PTPRM: variants seen among roughly 807,000 people sequenced by gnomAD.
The protein encoded by PTPRM is receptor-type tyrosine-protein phosphatase mu.
PTPRM carries 47 observed loss-of-function variants against 186.7 expected under a neutral mutation model. The observed-to-expected ratio is 0.25, with a 90% confidence interval of 0.20 to 0.32. PTPRM has a LOEUF of 0.32. Among genes scored for constraint, PTPRM ranks in the 10% least tolerant of loss-of-function variants. The pLI, the probability that PTPRM is intolerant of heterozygous loss-of-function variation, is 1.00. For synonymous variants in PTPRM, 668 were observed against 674.9 expected, an observed-to-expected ratio of 0.99 and a Z score of 0.16; for missense variants, 1,494 against 1,865.0, an observed-to-expected ratio of 0.80 and a Z score of 3.66.
At chr18:7,979,940 C>T (rs1303787554) in intron 7 of PTPRM, among the ~76,000 whole-genome samples, 2 of 152,206 alleles carry the variant, frequency 1.3e-5, no homozygotes, top group Non-Finnish European at 2.9e-5. Context: ...GCCCACATCT[C>T]CAGGGCTGTG....
Position 7,798,610 on chromosome 18 carries a change from A to G in PTPRM, c.196+24339A>G, listed in dbSNP as rs549621988. On this transcript the variant is annotated intron_variant, in intron 2 of 32. Transcript: ENST00000580170. ...CAAAACTTCTTAAAAAATTACCTCA[A>G]CACCTCTCAATCTCTTTCAGTTCAG... 1.3e-3 allele frequency among the ~76,000 whole-genome samples: 193 copies of G among 152,162 alleles called. 1 individual carries two copies. The highest frequency in any genetic ancestry group is 2.0e-3 in the Non-Finnish European group (135 of 67,996).
chr18:8,086,094 G>A (rs1465419397), intron 10 of PTPRM, among the ~76,000 whole-genome samples: 1 of 152,140 alleles, frequency 6.6e-6, no homozygotes, highest in East Asian at 1.9e-4. Context: ...TATTGTTTTA[G>A]CAGGGCGTCT....
At chr18:8,015,807 C>T (rs1341747486) in intron 7 of PTPRM, among the ~76,000 whole-genome samples, 1 of 152,158 alleles carries the variant, frequency 6.6e-6, no homozygotes, top group Non-Finnish European at 1.5e-5. Context: ...GAAAAATGCA[C>T]TCCCCATCCC....
chr18:8,352,652 G>GTTTTTTT (rs142090056), intron 23 of PTPRM, among the ~76,000 whole-genome samples: 5 of 102,222 alleles, frequency 4.9e-5, no homozygotes, highest in Non-Finnish European at 8.7e-5. Flanking sequence ...TTTTTGGTTT[G>GTTTTTTT]GTTTTTTTTG....
At chr18:7,801,873 C>G (rs1031555041) in intron 2 of PTPRM, among the ~76,000 whole-genome samples, 1 of 152,132 alleles carries the variant, frequency 6.6e-6, no homozygotes, top group African/African-American at 2.4e-5. Flanking sequence ...TTGTGCTGTC[C>G]AGTATGGTAG....
At chr18:7,836,925 C>T (rs957873030) in intron 2 of PTPRM, among the ~76,000 whole-genome samples, 3 of 152,082 alleles carry the variant, frequency 2.0e-5, no homozygotes, top group African/African-American at 4.8e-5. Context: ...ATCCTTTATC[C>T]TCGACCTTTG....
At position 7,668,860 on chromosome 18, in the gene PTPRM, T is replaced by C. The variant is rs957499977; in HGVS notation, c.73+100969T>C. ...ACCACCTTCTAGAATACTATATAAT[T>C]TGTCTTTTAATTATCTTTGTTGTTT... is the stretch of plus-strand genomic sequence containing the variant. On this transcript the variant is annotated intron_variant, in intron 1 of 32. Transcript: ENST00000580170. The surrounding 1 kb of genome is among the most constrained non-coding windows in gnomAD (Gnocchi z 4.7). Among the ~76,000 whole-genome samples the C allele has an allele frequency of 4.6e-5, 7 of 152,048 alleles. No individual in the cohort carries two copies. The highest frequency in any genetic ancestry group is 8.8e-5 in the Non-Finnish European group (6 of 68,008).
intron 1 of PTPRM, among the ~76,000 whole-genome samples, chr18:7,629,651 AG>A (rs2038145143): frequency 6.6e-6 from 1 of 152,202 alleles, no homozygotes; most frequent in African/African-American, 2.4e-5. Flanking sequence ...GTAGACATAT[AG>A]GTGTGAGCCA....
At chr18:7,729,252 C>T (rs2040608811) in intron 1 of PTPRM, among the ~76,000 whole-genome samples, 1 of 152,102 alleles carries the variant, frequency 6.6e-6, no homozygotes, top group Admixed American at 6.5e-5. Context: ...AATGGCTTGG[C>T]CTTTGTTGTA....
chr18:7,784,690 C>T (rs1000582630), intron 2 of PTPRM, among the ~76,000 whole-genome samples: 2 of 152,326 alleles, frequency 1.3e-5, no homozygotes, highest in African/African-American at 2.4e-5. Flanking sequence ...CTCTTTTCTC[C>T]TGAATAAAAC....
intron 1 of PTPRM, among the ~76,000 whole-genome samples, chr18:7,712,819 A>G (rs1253630971): frequency 3.3e-5 from 5 of 151,868 alleles, no homozygotes; most frequent in Non-Finnish European, 7.4e-5. Context: ...AAGATTAGAG[A>G]AAAAAGAATG....
intron 13 of PTPRM, among the ~76,000 whole-genome samples, chr18:8,117,993 CCATGGTGGTCT>C (rs765761314): frequency 9.9e-5 from 15 of 152,148 alleles, no homozygotes; most frequent in Middle Eastern, 3.4e-3. Context: ...TTTATATTCA[CCATGGTGGTCT>C]CATGGTAACT....
At position 8,063,320 on chromosome 18, in the gene PTPRM, G is replaced by A. The variant is rs552623829; in HGVS notation, c.1133-6366G>A. On this transcript the variant is annotated intron_variant, in intron 7 of 32. Transcript: ENST00000580170. Reference sequence around the variant, plus strand: ...AATGCCTCGCCCTGCTTCGGCTTGCGCACACCCACTGGCCTGCGCCCACTG... The same window carrying A: ...AATGCCTCGCCCTGCTTCGGCTTGCACACACCCACTGGCCTGCGCCCACTG... Among the ~76,000 whole-genome samples, 8 of 150,600 alleles carry A rather than the reference G, an allele frequency of 5.3e-5. 1 individual carries two copies. Among genetic ancestry groups the A allele is most frequent in the Non-Finnish European group, 8.8e-5 (6 of 67,976 alleles).
chr18:7,956,822 T>C (rs745495032), intron 7 of PTPRM, among the ~76,000 whole-genome samples: 1 of 152,244 alleles, frequency 6.6e-6, no homozygotes, highest in Non-Finnish European at 1.5e-5. Flanking sequence ...AAACAATAGC[T>C]ATGGATAATA....
At position 8,104,145 on chromosome 18, in the gene PTPRM, T is replaced by C. The variant is rs554867159; in HGVS notation, c.1857-9341T>C. Among the ~76,000 whole-genome samples the C allele has an allele frequency of 3.3e-5, 5 of 152,300 alleles. No homozygotes were observed. In the East Asian group the frequency reaches 9.7e-4, roughly 29 times the overall value. On this transcript the variant is annotated intron_variant, in intron 11 of 32. Coordinates refer to ENST00000580170, the MANE Select transcript of PTPRM (RefSeq NM_001105244.2). ...ACCAAAATGGCACAGAGACATGAAG[T>C]AAGTGCATGCTGTAAGATAAATGGC...
At chr18:8,328,899 A>T (rs1014906876) in intron 22 of PTPRM, among the ~76,000 whole-genome samples, 12 of 152,374 alleles carry the variant, frequency 7.9e-5, no homozygotes, top group Non-Finnish European at 1.8e-4. Flanking sequence ...GACATTTCTC[A>T]TCCCTGTGCT....
At chr18:8,287,075 T>C (rs1319764845) in intron 19 of PTPRM, among the ~76,000 whole-genome samples, 2 of 149,568 alleles carry the variant, frequency 1.3e-5, no homozygotes, top group Non-Finnish European at 3.0e-5. Context: ...CTCCAAGAAA[T>C]ACCAGGAAGG....
At chr18:8,040,969 C>T (rs1038875945) in intron 7 of PTPRM, among the ~76,000 whole-genome samples, 1 of 152,164 alleles carries the variant, frequency 6.6e-6, no homozygotes, top group Admixed American at 6.6e-5. Context: ...GCAGTCTTGT[C>T]ACTTGGGTTC....
At chr18:8,236,732 G>T (rs2094349848) in intron 14 of PTPRM, among the ~76,000 whole-genome samples, 1 of 152,000 alleles carries the variant, frequency 6.6e-6, no homozygotes, top group Non-Finnish European at 1.5e-5. Flanking sequence ...GGTAGAGACA[G>T]GGTTTCACCA....
Sources: allele counts gnomAD v4.1 joint callset (sites outside exome capture counted in the v4.1 genomes callset), GRCh38; gene constraint gnomAD v4.1.1; non-coding constraint Gnocchi (gnomAD v3.1); transcripts MANE v1.5; gene names NCBI Gene and HGNC (gene_info 2026-07-23, HGNC 2026-07-21).